The following KDM6B variants were observed in gnomAD, a reference collection of about 807,000 sequenced individuals.
KDM6B encodes lysine-specific demethylase 6B.
Under a neutral mutation model 150.4 loss-of-function variants are expected in KDM6B, and 22 were observed. The ratio of observed to expected loss-of-function variants is 0.15; its 90% confidence interval spans 0.10 to 0.21. The LOEUF (loss-of-function observed/expected upper bound fraction) is 0.21. Among genes scored for constraint, KDM6B ranks in the 10% least tolerant of loss-of-function variants. The probability of loss-of-function intolerance (pLI) is 1.00; values close to 1 mark genes in which losing one functional copy is unlikely to be tolerated. For synonymous variants in KDM6B, 1,148 were observed against 921.1 expected (o/e 1.25, Z -4.46); for missense variants, 1,984 against 2,234.3 (o/e 0.89, Z 2.26).
rs2078478156 is a variant in KDM6B at position 7,844,070 on chromosome 17, C to T, written c.-268-831C>T. 1 of 145,088 alleles carries T rather than the reference C, an allele frequency of 6.9e-6. No individual in the cohort carries two copies. Among genetic ancestry groups the T allele is most frequent in the Admixed American group, 6.8e-5 (1 of 14,812 alleles). 9.0% of individuals were successfully genotyped at this position (145,088 alleles called of 1,614,324 possible). A position where few individuals can be genotyped will look rare whatever the true frequency, so the allele number is the denominator to read the frequency against. On this transcript the variant is annotated intron_variant, in intron 2 of 23. Coordinates refer to ENST00000448097, the MANE Select transcript of KDM6B (RefSeq NM_001348716.2). This position sits in a 1 kb window ranked among gnomAD's most constrained non-coding sequence, Gnocchi z 5.9. Reference sequence around the variant, plus strand: ...CCCTCCCTCAGGACCCCCCCCCCCGCAGTACATTTACACACACCGCTTCCG... The same window carrying T: ...CCCTCCCTCAGGACCCCCCCCCCCGTAGTACATTTACACACACCGCTTCCG...
chr17:7,847,363 C>A lies in KDM6B; in HGVS notation c.1168C>A (p.Pro390Thr), dbSNP rs769965116. 6.2e-7 allele frequency: 1 copy of A among 1,612,568 alleles called. No homozygotes were observed. Among genetic ancestry groups the A allele is most frequent in the Admixed American group, 1.7e-5 (1 of 60,018 alleles). ...CTGCGTGCCTTACGCCCCTTCCCGG[C>A]CCCCTGGCCTCCCCGGCACCACCAC... ...TACVPYAPSR[P>T]PGLPGTTTSS... Residue 390 changes from proline (P) to threonine (T), a missense_variant, in exon 11 of 24, where the codon CCC becomes ACC. This residue lies in a region of KDM6B where 1,379 missense variants were observed against 1,275.6 expected (regional missense o/e 1.08). Coordinates refer to ENST00000448097, the MANE Select transcript of KDM6B (RefSeq NM_001348716.2).
At position 7,852,397 on chromosome 17, in the gene KDM6B, C is replaced by G. The variant is rs1267854355; in HGVS notation, c.4468+61C>G. On this transcript the variant is annotated intron_variant, in intron 20 of 23. Coordinates refer to ENST00000448097, the MANE Select transcript of KDM6B (RefSeq NM_001348716.2). The stretch of plus-strand genomic sequence containing the variant: ...GCCTCAGCGGCAAGGGCCTGGGAGG[C>G]TGGGGCTTGGAGAGCCGCCAGCAGT... 2.3e-6 allele frequency: 3 copies of G among 1,289,614 alleles called. No homozygotes were observed. The African/African-American group carries it at 4.2e-5, about 18-fold the overall frequency. The allele number at this position is 1,289,614 out of a possible 1,614,324, so 79.9% of individuals were successfully genotyped here. A position where few individuals can be genotyped will look rare whatever the true frequency, so the allele number is the denominator to read the frequency against.
chr17:7,846,749 A>G lies in KDM6B; in HGVS notation c.711+9A>G, dbSNP rs1353391534. 4 of 1,613,966 alleles carry G rather than the reference A, an allele frequency of 2.5e-6. No homozygotes were observed. Among genetic ancestry groups the G allele is most frequent in the Non-Finnish European group, 2.5e-6 (3 of 1,179,932 alleles). The stretch of plus-strand genomic sequence containing the variant: ...GCTGCAACTCTGAACAGGTGTGGGT[A>G]TAGGGGGGCCAGCAGGCAGTAAGTA... On this transcript the variant is annotated intron_variant, in intron 9 of 23. Coordinates refer to ENST00000448097, the MANE Select transcript of KDM6B (RefSeq NM_001348716.2).
intron 1 of KDM6B, among the ~76,000 whole-genome samples, chr17:7,835,492 C>T (rs1021258787): frequency 1.3e-5 from 2 of 151,948 alleles, no homozygotes; most frequent in East Asian, 3.9e-4. Context: ...CAGCGTTGAC[C>T]TCGGCTCCCC....
Position 7,847,930 on chromosome 17 carries a change from A to G in KDM6B, c.1642A>G (p.Thr548Ala), listed in dbSNP as rs770970305. 4 of 1,492,186 alleles carry G rather than the reference A, an allele frequency of 2.7e-6. No homozygotes were observed. The South Asian group carries it at 3.4e-5, about 13-fold the overall frequency. 92.4% of individuals were successfully genotyped at this position (1,492,186 alleles called of 1,614,324 possible). Residue 548 changes from threonine to alanine, a missense_variant, in exon 12 of 24, where the codon ACC becomes GCC. Thr to Ala is a moderately conservative substitution (Grantham distance 58, BLOSUM62 0). Transcript: ENST00000448097. The stretch of plus-strand genomic sequence containing the variant: ...TTCTCACACCCCTCCCACTCCCCCA[A>G]CCCCAACCACCAGCAGTAGCAACAG... ...QDSHTPPTPP[T>A]PTTSSSNSNS...
In KDM6B at chr17:7,849,241, C is replaced by T. The variant is rs753345204; in HGVS notation, c.2953C>T (p.Arg985Trp). ...GAAGGAGCATCAGAAGGAGCATCGG[C>T]GGCACAGGCGGGCCTGTAAGGACAG... ...RQKEHQKEHR[R>W]HRRACKDSVG... The change falls in exon 12 of 24, where the codon CGG becomes TGG. Residue 985 changes from arginine (R) to tryptophan (W), a missense_variant. Arg to Trp is a moderately radical substitution (Grantham distance 101). Coordinates refer to ENST00000448097, the MANE Select transcript of KDM6B (RefSeq NM_001348716.2). 1.3e-5 allele frequency: 21 copies of T among 1,568,630 alleles called. No individual in the cohort carries two copies. The East Asian group carries it at 1.9e-4, about 14-fold the overall frequency.
chr17:7,851,488 G>C lies in KDM6B; in HGVS notation c.3955G>C (p.Asp1319His). 6.2e-7 allele frequency: 1 copy of C among 1,614,184 alleles called. No homozygotes were observed. The highest frequency in any genetic ancestry group is 8.5e-7 in the Non-Finnish European group (1 of 1,180,036). ...TCTTCGCCCCAGCAGCAGCGCACCA[G>C]ACCCGAAGAACCATCACATCATCAA... is the stretch of plus-strand genomic sequence containing the variant. ...TTGTPPSSAP[D>H]PKNHHIIKFG... is the part of the protein sequence containing the mutation. The change falls in exon 17 of 24, where the codon GAC (aspartate) becomes CAC (histidine). Residue 1319 changes from aspartate to histidine, a missense_variant. Asp to His is a moderately conservative substitution (Grantham distance 81). Around this residue, in one of 13 missense-constraint regions of KDM6B, gnomAD observed 41 missense variants for 38.4 expected, o/e 1.07. Coordinates refer to ENST00000448097, the MANE Select transcript of KDM6B (RefSeq NM_001348716.2).
rs754025087 is a variant in KDM6B, at chr17:7,848,927, G to A, written c.2639G>A (p.Arg880Gln). ...QFSTSGGPWA[R>Q]ERRAGEEPVP... Reference sequence around the variant, plus strand: ...TCTACCTCAGGCGGGCCCTGGGCCCGGGAGCGCAGGGCGGGCGAAGAGCCA... The same window carrying A: ...TCTACCTCAGGCGGGCCCTGGGCCCAGGAGCGCAGGGCGGGCGAAGAGCCA... The change falls in exon 12 of 24, where the codon CGG becomes CAG. Residue 880 changes from arginine (R) to glutamine (Q), a missense_variant. Arg to Gln is a conservative substitution (Grantham distance 43). This residue lies in a region of KDM6B where 1,379 missense variants were observed against 1,275.6 expected (regional missense o/e 1.08). Coordinates refer to ENST00000448097, the MANE Select transcript of KDM6B (RefSeq NM_001348716.2). 1.1e-5 allele frequency: 18 copies of A among 1,599,086 alleles called. No homozygotes were observed. The highest frequency in any genetic ancestry group is 8.9e-5 in the South Asian group (8 of 90,188).
intron 1 of KDM6B, among the ~76,000 whole-genome samples, chr17:7,834,912 C>T (rs1271000017): frequency 1.3e-5 from 2 of 152,024 alleles, no homozygotes; most frequent in Non-Finnish European, 2.9e-5. Context: ...CGTCTCGCCC[C>T]GCTAGCCTCC....
chr17:7,841,543 C>A (rs2078414086), intron 2 of KDM6B, among the ~76,000 whole-genome samples: 1 of 152,186 alleles, frequency 6.6e-6, no homozygotes, highest in Admixed American at 6.5e-5. Context: ...GGCAGACACA[C>A]AGACAGAGAC....
rs768818552 is a variant in KDM6B, at chr17:7,850,186, G to T, written c.3673+9G>T. The stretch of plus-strand genomic sequence containing the variant: ...GGGCTCCCTGCGGCTCAGTGAGTAT[G>T]GGGGGCAGAAAGTGTTAGGGAGGGC... On this transcript the variant is annotated intron_variant, in intron 14 of 23. Transcript: ENST00000448097. 2 of 1,609,274 alleles carry T rather than the reference G, an allele frequency of 1.2e-6. No individual in the cohort carries two copies. The highest frequency in any genetic ancestry group is 1.7e-6 in the Non-Finnish European group (2 of 1,176,544).
At position 7,844,825 on chromosome 17, in the gene KDM6B, G is replaced by C. The variant is rs1468421820; in HGVS notation, c.-268-76G>C. 1 of 158,072 alleles carries C rather than the reference G, an allele frequency of 6.3e-6. No individual in the cohort carries two copies. The highest frequency in any genetic ancestry group is 1.4e-5 in the Non-Finnish European group (1 of 70,800). The allele number at this position is 158,072 out of a possible 1,614,324, so 9.8% of individuals were successfully genotyped here. Reference sequence around the variant, plus strand: ...ATCGGGGTCACCCCGGGCTGAGCTCGTCTGACCGGCTCCCGCGCCCCTCCT... The same window carrying C: ...ATCGGGGTCACCCCGGGCTGAGCTCCTCTGACCGGCTCCCGCGCCCCTCCT... On this transcript the variant is annotated intron_variant, in intron 2 of 23. Coordinates refer to ENST00000448097, the MANE Select transcript of KDM6B (RefSeq NM_001348716.2). The surrounding 1 kb of genome is among the most constrained non-coding windows in gnomAD (Gnocchi z 5.9).
chr17:7,851,864 C>CAATGAG, intron 18 of KDM6B, 68 bp downstream of exon 18: 1 of 1,576,740 alleles, frequency 6.3e-7, no homozygotes, highest in Non-Finnish European at 8.6e-7. Flanking sequence ...GGCGCTCAGC[C>CAATGAG]GTCAGCCAAT....
In KDM6B at chr17:7,845,595, G is replaced by T; in HGVS notation, c.41G>T (p.Arg14Leu). Residue 14 changes from arginine (R) to leucine (L), a missense_variant, in exon 5 of 24, where the codon CGG (arginine) becomes CTG (leucine). Arg to Leu is a moderately radical substitution (Grantham distance 102). Transcript: ENST00000448097. The part of the protein sequence containing the change: ...AVDPPGARAA[R>L]EAFALGGLSC... ...GACCCTCCAGGGGCCCGCGCTGCAC[G>T]GGAAGCCTTTGCCCTTGGGGGCCTG... 2 of 1,614,152 alleles carry T rather than the reference G, an allele frequency of 1.2e-6. No individual in the cohort carries two copies. Among genetic ancestry groups the T allele is most frequent in the Non-Finnish European group, 1.7e-6 (2 of 1,180,034 alleles).
At chr17:7,837,911 T>G (rs765833468) in intron 1 of KDM6B, among the ~76,000 whole-genome samples, 60 of 152,012 alleles carry the variant, frequency 3.9e-4, no homozygotes, top group Non-Finnish European at 7.9e-4. Context: ...ATTTGGAGAT[T>G]GGGGTTAGGG....
Position 7,849,508 on chromosome 17 carries a change from G to GCTC in KDM6B, c.3221_3223dup (p.Ala1074_Arg1075insPro), listed in dbSNP as rs745668873. ...GTCAGCCTCTGTCCCTGGAAAGAAG[G>GCTC]CTCGGGAGGAAGCCCCAGGGCCACC... On this transcript the variant is annotated inframe_insertion, in exon 12 of 24. Coordinates refer to ENST00000448097, the MANE Select transcript of KDM6B (RefSeq NM_001348716.2). The GCTC allele has an allele frequency of 1.9e-6, 3 of 1,612,912 alleles. No individual in the cohort carries two copies. The East Asian group carries it at 6.7e-5, about 36-fold the overall frequency.
intron 2 of KDM6B, among the ~76,000 whole-genome samples, chr17:7,842,206 T>G (rs1017413269): frequency 3.3e-5 from 5 of 152,044 alleles, no homozygotes; most frequent in Non-Finnish European, 2.9e-5. Flanking sequence ...GTGTTCTCTC[T>G]TGGGGCTCCA....
rs751637686 is a variant in KDM6B, at chr17:7,849,668, G to A, written c.3380G>A (p.Arg1127Gln). 43 of 1,609,762 alleles carry A rather than the reference G, an allele frequency of 2.7e-5. No homozygotes were observed. The highest frequency in any genetic ancestry group is 1.0e-4 in the Admixed American group (6 of 59,996). ...TFIASEVEER[R>Q]LRMADLTISH... ...ATCGCCTCTGAGGTGGAAGAGCGGCGGCTGCGCATGGCAGACCTCACCATC... is the reference window on the plus strand; with the variant it reads ...ATCGCCTCTGAGGTGGAAGAGCGGCAGCTGCGCATGGCAGACCTCACCATC... Residue 1127 changes from arginine (R) to glutamine (Q), a missense_variant, in exon 12 of 24, where the codon CGG (arginine) becomes CAG (glutamine). By Grantham distance (43) the Arg-to-Gln change is conservative (BLOSUM62 1). Transcript: ENST00000448097.
In KDM6B at chr17:7,845,721, C is replaced by G; in HGVS notation, c.137+30C>G. 1.9e-6 allele frequency: 3 copies of G among 1,613,910 alleles called. No individual in the cohort carries two copies. The South Asian group carries it at 3.3e-5, about 18-fold the overall frequency. ...GAAGTTGGGGCCCTCTGTCTCCAGG[C>G]ACACCTCTTTCCATCTCTGTATCCC... On this transcript the variant is annotated intron_variant, in intron 5 of 23. Transcript: ENST00000448097.
Sources: gnomAD v4.1 joint callset for allele counts (sites outside exome capture counted in the v4.1 genomes callset) on GRCh38, gnomAD v4.1.1 for gene constraint, gnomAD v4.1.1 regional missense constraint, Gnocchi (gnomAD v3.1) non-coding constraint, MANE v1.5 for transcripts, NCBI Gene and HGNC (gene_info 2026-07-23, HGNC 2026-07-21) for gene names.